Variants in LAMA2 observed in about 807,000 individuals in gnomAD.
The protein encoded by LAMA2 is laminin subunit alpha-2.
Under a neutral mutation model 364.8 loss-of-function variants are expected in LAMA2, and 269 were observed. That is an observed-to-expected ratio of 0.74 (90% confidence interval 0.67 to 0.82). The LOEUF is 0.82. Among genes scored for constraint, LAMA2 ranks in the 40% least tolerant of loss-of-function variants. LAMA2 has a pLI of 0.00. For missense variants in LAMA2, 3,807 were observed against 3,873.2 expected, an observed-to-expected ratio of 0.98 and a Z score of 0.45; for synonymous variants, 1,379 against 1,370.6, an observed-to-expected ratio of 1.01 and a Z score of -0.14.
At chr6:129,461,578 G>A (rs1161647503) in intron 49 of LAMA2, among the ~76,000 whole-genome samples, 3 of 151,888 alleles carry the variant, frequency 2.0e-5, no homozygotes, top group African/African-American at 4.8e-5. Context: ...TTCCCTAAGC[G>A]TTTCTTTGGT....
intron 4 of LAMA2, 112 bp downstream of exon 4, chr6:129,098,527 AG>A: frequency 1.6e-6 from 2 of 1,288,304 alleles, no homozygotes; most frequent in Non-Finnish European, 2.2e-6. Context: ...AATAGGATTT[AG>A]CAAAAGTACA....
At chr6:129,476,681 TC>T (rs1784081170) in intron 53 of LAMA2, among the ~76,000 whole-genome samples, 1 of 152,188 alleles carries the variant, frequency 6.6e-6, no homozygotes, top group Admixed American at 6.5e-5. Context: ...AGTCAGTCTT[TC>T]CATAAAGGAA....
intron 1 of LAMA2, among the ~76,000 whole-genome samples, chr6:128,917,445 T>G (rs559808079): frequency 9.9e-5 from 15 of 152,198 alleles, no homozygotes; most frequent in African/African-American, 3.6e-4. Flanking sequence ...TAAATTTCCT[T>G]TGTTTTATAT....
At chr6:129,409,437 C>T (rs1382658315) in intron 40 of LAMA2, among the ~76,000 whole-genome samples, 2 of 152,156 alleles carry the variant, frequency 1.3e-5, no homozygotes, top group African/African-American at 2.4e-5. Context: ...CGAGCCTGAT[C>T]ATGTATATAC....
intron 1 of LAMA2, among the ~76,000 whole-genome samples, chr6:129,030,352 T>C (rs573012526): frequency 6.6e-6 from 1 of 152,268 alleles, no homozygotes; most frequent in East Asian, 1.9e-4. Flanking sequence ...TTGTTCATTG[T>C]TGTGTAATTA....
rs200000142 is a variant in LAMA2, at chr6:128,982,215, A to T, written c.113-67703A>T. The stretch of plus-strand genomic sequence containing the variant: ...TCTTACTAGAGAAAGAAAATGAGAT[A>T]AAACTAACCTGCATTTCTATCCTAC... On this transcript the variant is annotated intron_variant, in intron 1 of 64. Coordinates refer to ENST00000421865, the MANE Select transcript of LAMA2 (RefSeq NM_000426.4). 3.3e-5 allele frequency among the ~76,000 whole-genome samples: 5 copies of T among 152,342 alleles called. No individual in the cohort carries two copies. The East Asian group carries it at 7.7e-4, about 24-fold the overall frequency.
At chr6:129,161,391 T>G (rs1314326892) in intron 8 of LAMA2, among the ~76,000 whole-genome samples, 2 of 152,198 alleles carry the variant, frequency 1.3e-5, no homozygotes, top group Non-Finnish European at 2.9e-5. Flanking sequence ...TGGGTTTTGC[T>G]ATTTGTTTCC....
chr6:129,188,723 T>C (rs1781368714), intron 10 of LAMA2, among the ~76,000 whole-genome samples: 2 of 151,988 alleles, frequency 1.3e-5, no homozygotes, highest in Non-Finnish European at 2.9e-5. Flanking sequence ...GGTTCCCACA[T>C]AGAAGTGGCT....
intron 1 of LAMA2, among the ~76,000 whole-genome samples, chr6:128,982,843 T>C (rs1175579516): frequency 1.4e-5 from 2 of 146,910 alleles, no homozygotes; most frequent in East Asian, 4.1e-4. Flanking sequence ...TTCCCACCTA[T>C]GAGTGAGAAC....
At chr6:129,020,271 A>G (rs1479128633) in intron 1 of LAMA2, among the ~76,000 whole-genome samples, 1 of 151,902 alleles carries the variant, frequency 6.6e-6, no homozygotes, top group African/African-American at 2.4e-5. Flanking sequence ...CCTGGAGGAG[A>G]GGTGGTTACA....
chr6:129,398,837 A>T (rs1184618289), intron 37 of LAMA2, among the ~76,000 whole-genome samples: 4 of 152,216 alleles, frequency 2.6e-5, no homozygotes, highest in African/African-American at 9.7e-5. Context: ...AGAGATAGTG[A>T]TATATAAAAC....
intron 8 of LAMA2, chr6:129,157,671 GA>G: frequency 6.2e-7 from 1 of 1,612,082 alleles, no homozygotes; most frequent in Non-Finnish European, 8.5e-7. Flanking sequence ...CCACCGATTA[GA>G]CACAATTGGC....
chr6:129,470,477 G>T (rs1235218371), intron 51 of LAMA2, among the ~76,000 whole-genome samples: 2 of 151,762 alleles, frequency 1.3e-5, no homozygotes, highest in African/African-American at 2.4e-5. Flanking sequence ...TGTGGGCAAA[G>T]GAAGGGATAT....
intron 39 of LAMA2, 150 bp from the exon 40 acceptor site, chr6:129,403,671 A>G: frequency 1.4e-6 from 1 of 734,046 alleles, no homozygotes; most frequent in South Asian, 1.6e-5. Context: ...CTATAGGACA[A>G]TATAATAAGT....
intron 1 of LAMA2, among the ~76,000 whole-genome samples, chr6:128,996,166 T>C (rs1469817977): frequency 1.3e-5 from 2 of 152,094 alleles, no homozygotes; most frequent in Non-Finnish European, 2.9e-5. Flanking sequence ...TTAGATAAAA[T>C]GGCGAGTGAA....
intron 3 of LAMA2, among the ~76,000 whole-genome samples, chr6:129,083,597 G>A (rs9492223): frequency 0.14 from 20,798 of 152,162 alleles, 1,558 homozygotes; most frequent in African/African-American, 0.19. Flanking sequence ...TATAAGAATA[G>A]ATGGGAGTGA....
intron 37 of LAMA2, among the ~76,000 whole-genome samples, chr6:129,396,428 A>G (rs1779621612): frequency 6.6e-6 from 1 of 152,230 alleles, no homozygotes. Context: ...AACCCCAGCC[A>G]GAGCTTTGGA....
At chr6:129,065,311 T>A (rs1789220337) in intron 3 of LAMA2, among the ~76,000 whole-genome samples, 1 of 152,134 alleles carries the variant, frequency 6.6e-6, no homozygotes, top group Non-Finnish European at 1.5e-5. Context: ...TACTCAATAG[T>A]GAAAAGCTGA....
At chr6:129,396,186 G>C (rs537208986) in intron 37 of LAMA2, among the ~76,000 whole-genome samples, 1 of 152,290 alleles carries the variant, frequency 6.6e-6, no homozygotes, top group Non-Finnish European at 1.5e-5. Context: ...CTACATATCT[G>C]TCAGGTACCT....
Sources: allele counts gnomAD v4.1 joint callset (sites outside exome capture counted in the v4.1 genomes callset), GRCh38; gene constraint gnomAD v4.1.1; transcripts MANE v1.5; gene names NCBI Gene and HGNC (gene_info 2026-07-23, HGNC 2026-07-21).